NEK11: variants seen among roughly 807,000 people sequenced by gnomAD.
The protein encoded by NEK11 is NIMA related kinase 11.
Under a neutral mutation model 80.7 loss-of-function variants are expected in NEK11, and 72 were observed. The ratio of observed to expected loss-of-function variants is 0.89; its 90% CI spans 0.74 to 1.08. The LOEUF is 1.08. Ranked by LOEUF, NEK11 falls within the 50% of genes least tolerant of loss-of-function variation. The pLI is 0.00. For synonymous variants in NEK11, 251 were observed against 260.7 expected (o/e 0.96, Z 0.36); for missense variants, 764 against 763.6 (o/e 1.00, Z -0.01).
At chr3:131,038,707 G>A (rs1315204581) in intron 3 of NEK11, among the ~76,000 whole-genome samples, 1 of 152,158 alleles carries the variant, frequency 6.6e-6, no homozygotes, top group Non-Finnish European at 1.5e-5. Flanking sequence ...ACTGTTGTTT[G>A]AAAGAAAACA....
At chr3:131,186,254 T>G (rs1324268595) in intron 14 of NEK11, among the ~76,000 whole-genome samples, 2 of 152,228 alleles carry the variant, frequency 1.3e-5, no homozygotes, top group Non-Finnish European at 2.9e-5. Flanking sequence ...GTATTTTTAT[T>G]TGCTATTGTT....
At chr3:131,274,843 C>G (rs1445272054) in intron 17 of NEK11, among the ~76,000 whole-genome samples, 1 of 151,150 alleles carries the variant, frequency 6.6e-6, no homozygotes, top group Non-Finnish European at 1.5e-5. Context: ...TTAGTAGAGA[C>G]GGGGTTTCAC....
At chr3:131,305,163 G>C (rs973847790) in intron 17 of NEK11, among the ~76,000 whole-genome samples, 46 of 151,816 alleles carry the variant, frequency 3.0e-4, no homozygotes, top group African/African-American at 1.0e-3. Flanking sequence ...GTGCACTGGC[G>C]GGGGAGGGAG....
intron 15 of NEK11, among the ~76,000 whole-genome samples, chr3:131,231,578 T>C (rs1330638496): frequency 6.6e-6 from 1 of 151,580 alleles, no homozygotes; most frequent in Non-Finnish European, 1.5e-5. Context: ...AATTACACAA[T>C]AGAGTAATTT....
intron 17 of NEK11, among the ~76,000 whole-genome samples, chr3:131,290,528 C>T (rs1265556875): frequency 2.0e-5 from 3 of 152,194 alleles, no homozygotes; most frequent in African/African-American, 7.2e-5. Context: ...GGCTGCTACC[C>T]AGGTCAGGGG....
intron 17 of NEK11, chr3:131,325,829 G>A (rs2096958779): frequency 6.6e-6 from 1 of 151,840 alleles, no homozygotes; most frequent in Non-Finnish European, 1.5e-5. Flanking sequence ...AATTGCTATT[G>A]TTATTTATTT....
At chr3:131,309,121 G>T (rs575804493) in intron 17 of NEK11, among the ~76,000 whole-genome samples, 1 of 152,290 alleles carries the variant, frequency 6.6e-6, no homozygotes, top group South Asian at 2.1e-4. Flanking sequence ...TAAGGGTTGG[G>T]GACCCCTGCT....
chr3:131,344,765 G>A (rs2097336516), intron 17 of NEK11, among the ~76,000 whole-genome samples: 2 of 152,124 alleles, frequency 1.3e-5, no homozygotes, highest in Admixed American at 6.5e-5. Flanking sequence ...GCAAAAGCAA[G>A]AGAGAGAGTG....
At chr3:131,044,899 G>A (rs185212708) in intron 3 of NEK11, among the ~76,000 whole-genome samples, 4 of 152,132 alleles carry the variant, frequency 2.6e-5, no homozygotes, top group African/African-American at 9.7e-5. Context: ...AAATGCAAAA[G>A]ATCAGAAATC....
chr3:131,127,208 A>T (rs1009260503), intron 5 of NEK11, among the ~76,000 whole-genome samples: 12 of 151,162 alleles, frequency 7.9e-5, no homozygotes, highest in African/African-American at 2.9e-4. Context: ...CAGGTGATCC[A>T]CCCACCTTGG....
intron 5 of NEK11, among the ~76,000 whole-genome samples, chr3:131,125,871 G>A (rs1448090783): frequency 6.6e-6 from 1 of 152,218 alleles, no homozygotes; most frequent in Non-Finnish European, 1.5e-5. Context: ...ATTTGCTAAG[G>A]CTGCCAGAAG....
intron 15 of NEK11, among the ~76,000 whole-genome samples, chr3:131,231,201 T>TTTTTTTTC (rs1553952422): frequency 3.3e-5 from 5 of 149,298 alleles, no homozygotes; most frequent in African/African-American, 7.5e-5. Context: ...CCTATTTTCT[T>TTTTTTTTC]TTTTTTCTTT....
At chr3:131,252,852 C>A (rs1477761767) in intron 16 of NEK11, among the ~76,000 whole-genome samples, 1 of 151,990 alleles carries the variant, frequency 6.6e-6, no homozygotes, top group African/African-American at 2.4e-5. Context: ...GCACACTCAC[C>A]CCAATTTATA....
chr3:131,317,678 T>C (rs1163025826), intron 17 of NEK11, among the ~76,000 whole-genome samples: 1 of 150,426 alleles, frequency 6.6e-6, no homozygotes, highest in Non-Finnish European at 1.5e-5. Context: ...GAGAATTGCT[T>C]GGGGCCAGGA....
At chr3:131,056,738 A>T (rs1351763560) in intron 3 of NEK11, among the ~76,000 whole-genome samples, 2 of 152,084 alleles carry the variant, frequency 1.3e-5, no homozygotes, top group Non-Finnish European at 2.9e-5. Context: ...GTGCATCCTG[A>T]TGTACAGTTG....
intron 17 of NEK11, among the ~76,000 whole-genome samples, chr3:131,338,979 TA>T (rs1247995397): frequency 6.6e-6 from 1 of 151,826 alleles, no homozygotes; most frequent in South Asian, 2.1e-4. Flanking sequence ...GAAATTTTGT[TA>T]TATATATTTT....
At chr3:131,184,077 T>A (rs2093492434) in intron 14 of NEK11, among the ~76,000 whole-genome samples, 1 of 152,162 alleles carries the variant, frequency 6.6e-6, no homozygotes. Flanking sequence ...TAAATCATAT[T>A]CCTATAATCA....
At chr3:131,068,154 C>G (rs2072410533) in intron 3 of NEK11, among the ~76,000 whole-genome samples, 1 of 152,154 alleles carries the variant, frequency 6.6e-6, no homozygotes, top group African/African-American at 2.4e-5. Context: ...ACCCTCTGTC[C>G]CAAGCCTCTA....
At chr3:131,349,048 C>G (rs1464939081) in intron 17 of NEK11, among the ~76,000 whole-genome samples, 3 of 152,044 alleles carry the variant, frequency 2.0e-5, no homozygotes, top group African/African-American at 7.2e-5. Context: ...GCCACAATAG[C>G]TTTCTTGTTA....
Sources: gnomAD v4.1 joint callset for allele counts (sites outside exome capture counted in the v4.1 genomes callset) on GRCh38, gnomAD v4.1.1 for gene constraint, MANE v1.5 for transcripts, NCBI Gene and HGNC (gene_info 2026-07-23, HGNC 2026-07-21) for gene names.